Variants in PARP2 observed in about 807,000 individuals in gnomAD.
The protein encoded by PARP2 is poly(ADP-ribose) polymerase 2, also known as poly [ADP-ribose] polymerase 2.
A neutral mutation model predicts 77.8 loss-of-function variants in PARP2; 57 were observed. That is an observed-to-expected ratio of 0.73 (90% CI 0.59 to 0.91). The LOEUF (loss-of-function observed/expected upper bound fraction) is 0.91. Among genes scored for constraint, PARP2 ranks in the 40% least tolerant of loss-of-function variants. The pLI is 0.00. For synonymous variants in PARP2, 226 were observed against 242.6 expected (o/e 0.93, Z 0.64); for missense variants, 651 against 689.0 (o/e 0.94, Z 0.62).
intron 6 of PARP2, among the ~76,000 whole-genome samples, chr14:20,351,486 G>A (rs1883953460): frequency 6.6e-6 from 1 of 152,144 alleles, no homozygotes; most frequent in African/African-American, 2.4e-5. Flanking sequence ...CCTTCTCTAA[G>A]AATTTTATAA....
intron 8 of PARP2, chr14:20,354,549 T>C (rs960088332): frequency 3.2e-5 from 17 of 527,590 alleles, no homozygotes; most frequent in Non-Finnish European, 5.3e-5. Flanking sequence ...ATAGAAAAAT[T>C]AGCCAGGCAT....
At chr14:20,347,097 C>T (rs111360087) in intron 4 of PARP2, among the ~76,000 whole-genome samples, 184 bp downstream of exon 4, 5 of 149,348 alleles carry the variant, frequency 3.3e-5, no homozygotes, top group South Asian at 2.1e-4. Flanking sequence ...GGCACAATCT[C>T]GGCTTACTGT....
intron 4 of PARP2, among the ~76,000 whole-genome samples, chr14:20,347,357 TATA>T (rs1883777053): frequency 1.3e-4 from 1 of 7,770 alleles, no homozygotes; most frequent in Non-Finnish European, 2.5e-4. Flanking sequence ...TGTGTGTGTG[TATA>T]TATATATATA....
intron 4 of PARP2, 63 bp downstream of exon 4, chr14:20,346,976 T>C: frequency 9.5e-7 from 1 of 1,056,314 alleles, no homozygotes; most frequent in Non-Finnish European, 1.5e-6. Flanking sequence ...TAATTATTGA[T>C]GATAGCATCA....
At position 20,352,283 on chromosome 14, in the gene PARP2, A is replaced by T; in HGVS notation, c.536A>T (p.Glu179Val). The T allele has an allele frequency of 1.2e-6, 2 of 1,613,470 alleles. No homozygotes were observed. The highest frequency in any genetic ancestry group is 2.2e-5 in the South Asian group (2 of 91,066). ...DKTKNNWEDR[E>V]KFEKVPGKYD... Reference sequence around the variant, plus strand: ...ACGAAAAACAATTGGGAAGATCGAGAAAAGTTTGAGAAGGTGCCTGGAAAA... The same window carrying T: ...ACGAAAAACAATTGGGAAGATCGAGTAAAGTTTGAGAAGGTGCCTGGAAAA... Residue 179 changes from glutamate to valine, a missense_variant, in exon 7 of 16, where the codon GAA becomes GTA. By Grantham distance (121) the Glu-to-Val change is moderately radical. Transcript: ENST00000429687.
intron 5 of PARP2, 46 bp from the exon 6 acceptor site, chr14:20,351,001 C>G (rs765238988): frequency 2.1e-6 from 3 of 1,424,384 alleles, no homozygotes; most frequent in South Asian, 1.2e-5. Context: ...GAGAGCTGGC[C>G]TGTTACTCTT....
rs1319280160 is a variant in PARP2, at chr14:20,353,805, TTTTTTTCTA to T, written c.601-279_601-271del. ...CACACTGACGTCATGAGGAAAGCCT[TTTTTTTCTA>T]GACTTATTCTGAGTTGTAAAATGTG... On this transcript the variant is annotated intron_variant, in intron 7 of 15. Transcript: ENST00000429687. Among the ~76,000 whole-genome samples the T allele has an allele frequency of 7.2e-5, 11 of 152,238 alleles. 1 individual carries two copies.
chr14:20,348,768 C>T (rs1238935755), intron 4 of PARP2, among the ~76,000 whole-genome samples: 1 of 152,102 alleles, frequency 6.6e-6, no homozygotes, highest in East Asian at 1.9e-4. Flanking sequence ...GCCTGTAATC[C>T]CAGCACTTTG....
intron 6 of PARP2, 47 bp from the exon 7 acceptor site, chr14:20,352,198 T>C (rs1178920269): frequency 9.9e-7 from 1 of 1,009,778 alleles, no homozygotes; most frequent in Admixed American, 1.8e-5. Context: ...TCCATCTTCA[T>C]AGTAGACCTT....
chr14:20,353,958 C>G, intron 7 of PARP2, 127 bp from the exon 8 acceptor site: 1 of 715,528 alleles, frequency 1.4e-6, no homozygotes, highest in Non-Finnish European at 2.3e-6. Context: ...CCTTGCTTCT[C>G]ATTATTCCCT....
intron 11 of PARP2, 45 bp downstream of exon 11, chr14:20,356,076 C>G: frequency 6.3e-7 from 1 of 1,596,164 alleles, no homozygotes; most frequent in South Asian, 1.1e-5. Context: ...CACCCTTAAC[C>G]ACCTCCCCCA....
intron 6 of PARP2, among the ~76,000 whole-genome samples, chr14:20,351,807 A>C (rs1269234329): frequency 6.6e-6 from 1 of 152,016 alleles, no homozygotes; most frequent in Non-Finnish European, 1.5e-5. Flanking sequence ...TGAAGCTAGG[A>C]GTTTGAGACC....
intron 3 of PARP2, among the ~76,000 whole-genome samples, chr14:20,345,966 A>G (rs948668815): frequency 1.3e-5 from 2 of 152,106 alleles, no homozygotes; most frequent in Non-Finnish European, 2.9e-5. Flanking sequence ...GTGTGAATTC[A>G]CTCACTATCA....
At position 20,355,890 on chromosome 14, in the gene PARP2, T is replaced by A; in HGVS notation, c.967-7T>A. 6.2e-7 allele frequency: 1 copy of A among 1,614,176 alleles called. No individual in the cohort carries two copies. Among genetic ancestry groups the A allele is most frequent in the Non-Finnish European group, 8.5e-7 (1 of 1,179,990 alleles). ...TCCCACATTGATTCTATATCTCATCTTCTCAGGCTTTGGGAGACATTGAAA... is the reference window on the plus strand; with the variant it reads ...TCCCACATTGATTCTATATCTCATCATCTCAGGCTTTGGGAGACATTGAAA... On this transcript the variant is annotated splice_region_variant and splice_polypyrimidine_tract_variant and intron_variant, in intron 10 of 15. Transcript: ENST00000429687.
At position 20,357,894 on chromosome 14, in the gene PARP2, G is replaced by C. The variant is rs1336813658; in HGVS notation, c.*97G>C. 1.3e-5 allele frequency: 14 copies of C among 1,102,710 alleles called. No homozygotes were observed. The highest frequency in any genetic ancestry group is 1.6e-5 in the Non-Finnish European group (12 of 751,594). The allele number at this position is 1,102,710 out of a possible 1,614,324, so 68.3% of individuals were successfully genotyped here. ...TGTGATATTTTATGTAATAAAAACTGTACAGGTCTACCACTGGCTTCTTCG... is the reference window on the plus strand; with the variant it reads ...TGTGATATTTTATGTAATAAAAACTCTACAGGTCTACCACTGGCTTCTTCG... On this transcript the variant is annotated 3_prime_UTR_variant, in exon 16 of 16. Transcript: ENST00000429687.
intron 4 of PARP2, 69 bp downstream of exon 4, chr14:20,346,982 C>T (rs961497093): frequency 1.0e-6 from 1 of 979,216 alleles, no homozygotes; most frequent in Non-Finnish European, 1.6e-6. Flanking sequence ...TTGATGATAG[C>T]ATCACAGTGT....
intron 8 of PARP2, chr14:20,354,551 G>T: frequency 1.9e-6 from 1 of 530,790 alleles, no homozygotes; most frequent in African/African-American, 1.9e-5. Context: ...AGAAAAATTA[G>T]CCAGGCATGG....
At chr14:20,350,978 C>G (rs934513207) in intron 5 of PARP2, 69 bp from the exon 6 acceptor site, 1 of 1,181,450 alleles carries the variant, frequency 8.5e-7, no homozygotes, top group Non-Finnish European at 1.3e-6. Flanking sequence ...AGATGTTAAG[C>G]AGAGAGATCT....
At position 20,356,010 on chromosome 14, in the gene PARP2, C is replaced by T. The variant is rs1566424423; in HGVS notation, c.1080C>T (p.Asp360=). ...TACATTGTGCCTTGCGCCCCCTTGA[C>T]CATGAAAGTTATGAGTTCAAAGTAA... is the stretch of plus-strand genomic sequence containing the variant. The part of the protein sequence containing the change: ...RNLHCALRPL[D]HESYEFKVIS... Residue 360 remains aspartate (D), a synonymous_variant, in exon 11 of 16, where the codon GAC becomes GAT. Coordinates refer to ENST00000429687, the MANE Select transcript of PARP2 (RefSeq NM_001042618.2). 6.2e-7 allele frequency: 1 copy of T among 1,613,876 alleles called. No homozygotes were observed. The highest frequency in any genetic ancestry group is 1.1e-5 in the South Asian group (1 of 91,022).
Sources: allele counts gnomAD v4.1 joint callset (sites outside exome capture counted in the v4.1 genomes callset), GRCh38; gene constraint gnomAD v4.1.1; transcripts MANE v1.5; gene names NCBI Gene and HGNC (gene_info 2026-07-23, HGNC 2026-07-21).